The following COPG2 variants were observed in gnomAD, a reference collection of about 807,000 sequenced individuals.
The protein encoded by COPG2 is coat protein complex I subunit gamma 2.
Under a neutral mutation model 46.3 loss-of-function variants are expected in COPG2, and 37 were observed. The observed-to-expected ratio is 0.80, with a 90% CI of 0.61 to 1.05. COPG2 has a LOEUF of 1.05. COPG2 is among the 50% of genes least tolerant of loss of function. The pLI, the probability that COPG2 is intolerant of heterozygous loss-of-function variation, is 0.00. For missense variants in COPG2, 427 were observed against 387.8 expected, an observed-to-expected ratio of 1.10 and a Z score of -0.85; for synonymous variants, 159 against 129.7, an observed-to-expected ratio of 1.23 and a Z score of -1.53.
chr7:130,605,635 G>C (rs1554451113), intron 9 of COPG2: 1 of 472,122 alleles, frequency 2.1e-6, no homozygotes, highest in African/African-American at 2.0e-5. Context: ...TAGAGGCACA[G>C]ACTAACCTCC....
intron 20 of COPG2, among the ~76,000 whole-genome samples, chr7:130,527,562 G>A (rs1477633170): frequency 3.3e-5 from 5 of 151,964 alleles, no homozygotes; most frequent in Middle Eastern, 3.4e-3. Flanking sequence ...AAAAAGTAAG[G>A]GGAAAAAAAA....
intron 20 of COPG2, among the ~76,000 whole-genome samples, chr7:130,532,935 G>C (rs1431251535): frequency 2.6e-5 from 4 of 152,132 alleles, no homozygotes; most frequent in Non-Finnish European, 5.9e-5. Context: ...GAGAATGCAG[G>C]ATGGTGCAGG....
intron 20 of COPG2, among the ~76,000 whole-genome samples, chr7:130,521,859 G>T (rs1309806753): frequency 6.6e-6 from 1 of 152,130 alleles, no homozygotes; most frequent in African/African-American, 2.4e-5. Flanking sequence ...AGGGAAAAAG[G>T]GTGAGGTAGA....
At chr7:130,547,641 A>G (rs1325014220) in intron 20 of COPG2, 33 bp downstream of exon 20, 2 of 398,504 alleles carry the variant, frequency 5.0e-6, no homozygotes, top group East Asian at 3.6e-5. Flanking sequence ...TGCATTCTGA[A>G]TCACGTATCT....
chr7:130,611,088 T>TACA lies in COPG2; in HGVS notation c.599_601dup (p.Leu200dup). On this transcript the variant is annotated inframe_insertion, in exon 9 of 24. Transcript: ENST00000425248. ...AAGTCGATCATTCTTTCTAAGGTGA[T>TACA]ACAGGACTCCCAATGCATGGTACTA... is the stretch of plus-strand genomic sequence containing the variant. The TACA allele has an allele frequency of 6.2e-7, 1 of 1,613,684 alleles. No homozygotes were observed. The highest frequency in any genetic ancestry group is 2.2e-5 in the East Asian group (1 of 44,862).
chr7:130,627,012 G>A (rs1795132269), intron 5 of COPG2, among the ~76,000 whole-genome samples: 1 of 152,188 alleles, frequency 6.6e-6, no homozygotes. Flanking sequence ...AGCCTCCTGA[G>A]TAGCTGGGAC....
At chr7:130,516,597 G>A (rs1443853056) in intron 20 of COPG2, among the ~76,000 whole-genome samples, 1 of 152,158 alleles carries the variant, frequency 6.6e-6, no homozygotes, top group South Asian at 2.1e-4. Flanking sequence ...GAAAGAGAAC[G>A]TGTGAATGAG....
At chr7:130,653,878 A>G (rs1795798846) in intron 4 of COPG2, among the ~76,000 whole-genome samples, 1 of 152,232 alleles carries the variant, frequency 6.6e-6, no homozygotes, top group Non-Finnish European at 1.5e-5. Context: ...AAGCCAGTAT[A>G]GGCACACACA....
chr7:130,520,368 A>G (rs1261100118), intron 20 of COPG2, among the ~76,000 whole-genome samples: 1 of 152,154 alleles, frequency 6.6e-6, no homozygotes, highest in Non-Finnish European at 1.5e-5. Context: ...TGGTTGGAGG[A>G]AAAAAATGTA....
chr7:130,568,167 C>T (rs1484556828), intron 9 of COPG2, among the ~76,000 whole-genome samples: 2 of 151,990 alleles, frequency 1.3e-5, no homozygotes, highest in African/African-American at 4.8e-5. Flanking sequence ...CCCAGCTACT[C>T]GGGAGGCTGA....
chr7:130,518,501 G>C (rs1275059705), intron 20 of COPG2, among the ~76,000 whole-genome samples: 1 of 152,084 alleles, frequency 6.6e-6, no homozygotes, highest in African/African-American at 2.4e-5. Flanking sequence ...GGCATTGAGG[G>C]AGTATACCTC....
At chr7:130,586,181 A>C (rs1794264845) in intron 9 of COPG2, among the ~76,000 whole-genome samples, 1 of 152,058 alleles carries the variant, frequency 6.6e-6, no homozygotes, top group African/African-American at 2.4e-5. Context: ...CCTGGATGAG[A>C]TTGGAGACTA....
At chr7:130,616,261 T>C (rs781810994) in intron 6 of COPG2, among the ~76,000 whole-genome samples, 5 of 152,228 alleles carry the variant, frequency 3.3e-5, no homozygotes, top group Non-Finnish European at 5.9e-5. Context: ...TTGTTGATTG[T>C]GTAGGAGATG....
At chr7:130,609,614 CTTCT>C (rs1554451741) in intron 9 of COPG2, among the ~76,000 whole-genome samples, 1 of 152,132 alleles carries the variant, frequency 6.6e-6, no homozygotes, top group Non-Finnish European at 1.5e-5. Flanking sequence ...GTTTCCTTTC[CTTCT>C]GAGACTCATT....
chr7:130,662,813 T>G (rs1364537286), intron 4 of COPG2, among the ~76,000 whole-genome samples, 154 bp downstream of exon 4: 2 of 152,234 alleles, frequency 1.3e-5, no homozygotes, highest in Non-Finnish European at 2.9e-5. Flanking sequence ...TCTTCCATTT[T>G]CACGTCTTAT....
intron 20 of COPG2, among the ~76,000 whole-genome samples, chr7:130,529,609 AG>A: frequency 6.6e-6 from 1 of 152,336 alleles, no homozygotes; most frequent in East Asian, 1.9e-4. Context: ...CCACAGAGGC[AG>A]AATGAAGCAA....
intron 9 of COPG2, among the ~76,000 whole-genome samples, chr7:130,601,515 G>C (rs906161986): frequency 1.3e-5 from 2 of 152,188 alleles, no homozygotes. Context: ...CCTTTGCAGG[G>C]ACACGGATGA....
At chr7:130,609,295 A>C (rs930011203) in intron 9 of COPG2, among the ~76,000 whole-genome samples, 2 of 152,184 alleles carry the variant, frequency 1.3e-5, no homozygotes, top group Non-Finnish European at 2.9e-5. Flanking sequence ...GAGGTAATTG[A>C]ATCATGGGGG....
intron 5 of COPG2, among the ~76,000 whole-genome samples, chr7:130,651,738 G>A (rs1017061416): frequency 3.3e-5 from 5 of 150,662 alleles, no homozygotes; most frequent in South Asian, 4.2e-4. Context: ...GGATGGTCTC[G>A]ATCTCCTGAC....
Sources: allele counts gnomAD v4.1 joint callset (sites outside exome capture counted in the v4.1 genomes callset), GRCh38; gene constraint gnomAD v4.1.1; transcripts MANE v1.5; gene names NCBI Gene and HGNC (gene_info 2026-07-23, HGNC 2026-07-21).